The following CEP112 variants were observed in gnomAD, a reference collection of about 807,000 sequenced individuals.
The protein encoded by CEP112 is centrosomal protein 112, also known as centrosomal protein of 112 kDa.
In CEP112, 127 loss-of-function variants were observed where a neutral mutation model predicts 153.0. The observed-to-expected ratio is 0.83, with a 90% CI of 0.72 to 0.96. CEP112 has a LOEUF of 0.96. Ranked by LOEUF, CEP112 falls within the 40% of genes least tolerant of loss-of-function variation. The pLI, the probability that CEP112 is intolerant of heterozygous loss-of-function variation, is 0.00. For missense variants in CEP112, 1,089 were observed against 1,101.2 expected (o/e 0.99, Z 0.16); for synonymous variants, 358 against 374.4 (o/e 0.96, Z 0.51).
intron 21 of CEP112, among the ~76,000 whole-genome samples, chr17:65,830,615 C>T (rs2057035066): frequency 6.6e-6 from 1 of 152,202 alleles, no homozygotes; most frequent in African/African-American, 2.4e-5. Context: ...ATTAAAGAGA[C>T]TGCTTGCTGC....
At chr17:65,676,694 C>T (rs1034777611) in intron 24 of CEP112, among the ~76,000 whole-genome samples, 2 of 152,170 alleles carry the variant, frequency 1.3e-5, no homozygotes, top group Admixed American at 1.3e-4. Flanking sequence ...AAAGAGTTTA[C>T]AGTAAGAGTT....
rs62065064 is a variant in CEP112, at chr17:65,783,558, A to G, written c.2395-32834T>C. On this transcript the variant is annotated intron_variant, in intron 21 of 26. Transcript: ENST00000535342. ...AATTCAAATGTACATCAACCAATAA[A>G]TGGATAAGAAAATTGTTGTATAAAA... 4.0e-3 allele frequency among the ~76,000 whole-genome samples: 604 copies of G among 152,352 alleles called. 1 individual carries two copies. Among genetic ancestry groups the G allele is most frequent in the Non-Finnish European group, 6.6e-3 (450 of 68,032 alleles).
chr17:66,190,558 T>A (rs1314804119), intron 1 of CEP112, among the ~76,000 whole-genome samples: 1 of 152,154 alleles, frequency 6.6e-6, no homozygotes, highest in Middle Eastern at 3.2e-3. Flanking sequence ...GCAGTGAGCG[T>A]GAGCTGAGTT....
intron 21 of CEP112, among the ~76,000 whole-genome samples, chr17:65,763,498 T>C (rs2145416632): frequency 6.6e-6 from 1 of 152,194 alleles, no homozygotes; most frequent in Non-Finnish European, 1.5e-5. Context: ...TTTTATTGTT[T>C]TTTTTCAGTC....
intron 12 of CEP112, among the ~76,000 whole-genome samples, chr17:66,052,102 T>C (rs1451416993): frequency 6.6e-6 from 1 of 152,188 alleles, no homozygotes; most frequent in Non-Finnish European, 1.5e-5. Flanking sequence ...ACAGAATGAA[T>C]GTACAGATGG....
At chr17:66,132,075 A>G (rs1481855333) in intron 5 of CEP112, among the ~76,000 whole-genome samples, 1 of 144,144 alleles carries the variant, frequency 6.9e-6, no homozygotes, top group Non-Finnish European at 1.5e-5. Flanking sequence ...AGGCTGAGGC[A>G]GGAGAATGGC....
At chr17:65,850,862 T>C (rs2057905852) in intron 21 of CEP112, among the ~76,000 whole-genome samples, 1 of 152,192 alleles carries the variant, frequency 6.6e-6, no homozygotes, top group Non-Finnish European at 1.5e-5. Context: ...CTCCTGCCTA[T>C]TTACAGTCCT....
Position 65,904,275 on chromosome 17 carries a change from T to G in CEP112, c.1981-1941A>C, listed in dbSNP as rs2059987339. Among the ~76,000 whole-genome samples, 3 of 152,278 alleles carry G rather than the reference T, an allele frequency of 2.0e-5. No homozygotes were observed. In the South Asian group the frequency reaches 6.2e-4, roughly 32 times the overall value. Reference sequence around the variant, plus strand: ...AAAGTCTCAGGACACAAAATCAATATGCAAAAATCACAAGCATTCCTGTAC... The same window carrying G: ...AAAGTCTCAGGACACAAAATCAATAGGCAAAAATCACAAGCATTCCTGTAC... On this transcript the variant is annotated intron_variant, in intron 19 of 26. Transcript: ENST00000535342.
chr17:65,687,198 G>A (rs2047847974), intron 24 of CEP112, among the ~76,000 whole-genome samples: 1 of 110,390 alleles, frequency 9.1e-6, no homozygotes, highest in Admixed American at 1.4e-4. Context: ...ATGGAGTCTT[G>A]CTCTGTCTCC....
chr17:66,050,619 T>C (rs1392553243), intron 12 of CEP112, among the ~76,000 whole-genome samples: 2 of 152,060 alleles, frequency 1.3e-5, no homozygotes, highest in Admixed American at 1.3e-4. Flanking sequence ...CAAAGAAGAG[T>C]ATAAAAAAAC....
At chr17:65,913,667 A>T in intron 19 of CEP112, 1 of 985,340 alleles carries the variant, frequency 1.0e-6, no homozygotes, top group Non-Finnish European at 1.2e-6. Flanking sequence ...GCTGTTAGAG[A>T]TGGTACCAGG....
intron 18 of CEP112, among the ~76,000 whole-genome samples, chr17:65,950,030 T>A (rs933850364): frequency 3.3e-5 from 5 of 152,142 alleles, no homozygotes; most frequent in Admixed American, 6.6e-5. Flanking sequence ...CTGTATTTTT[T>A]AAAAAATAGC....
At chr17:65,709,695 G>A (rs2049081956) in intron 23 of CEP112, among the ~76,000 whole-genome samples, 1 of 152,188 alleles carries the variant, frequency 6.6e-6, no homozygotes, top group Non-Finnish European at 1.5e-5. Flanking sequence ...GTTCCAGGTG[G>A]AAGCATGTGC....
intron 1 of CEP112, among the ~76,000 whole-genome samples, chr17:66,185,721 T>C (rs1206145565): frequency 6.6e-6 from 1 of 152,212 alleles, no homozygotes; most frequent in Non-Finnish European, 1.5e-5. Flanking sequence ...GATAGGGATG[T>C]GCGCTACCTT....
At chr17:66,156,176 C>T (rs184592898) in intron 4 of CEP112, among the ~76,000 whole-genome samples, 1 of 152,268 alleles carries the variant, frequency 6.6e-6, no homozygotes, top group Non-Finnish European at 1.5e-5. Context: ...GACAAAGCTT[C>T]CAGAGGAAGG....
At chr17:66,164,906 GTGTGTGTGTGTGTGTA>G (rs997081111) in intron 4 of CEP112, among the ~76,000 whole-genome samples, 1 of 145,124 alleles carries the variant, frequency 6.9e-6, no homozygotes, top group Admixed American at 7.0e-5. Flanking sequence ...GTGTGTGTGT[GTGTGTGTGTGTGTGTA>G]TATTTATTTA....
At chr17:65,931,664 G>C (rs1220499600) in intron 18 of CEP112, among the ~76,000 whole-genome samples, 3 of 152,246 alleles carry the variant, frequency 2.0e-5, no homozygotes, top group Non-Finnish European at 4.4e-5. Context: ...TGAGCAGGAA[G>C]CACAGTTGAC....
At chr17:65,942,984 A>G (rs2061548698) in intron 18 of CEP112, among the ~76,000 whole-genome samples, 2 of 152,370 alleles carry the variant, frequency 1.3e-5, no homozygotes, top group South Asian at 4.1e-4. Context: ...AGGTGTAAGA[A>G]ATAATTCTTC....
intron 16 of CEP112, among the ~76,000 whole-genome samples, chr17:66,026,657 C>T (rs2065224479): frequency 6.6e-6 from 1 of 152,144 alleles, no homozygotes; most frequent in African/African-American, 2.4e-5. Context: ...TTTAGGATAC[C>T]AAAATCCATG....
Sources: gnomAD v4.1 joint callset for allele counts (sites outside exome capture counted in the v4.1 genomes callset) on GRCh38, gnomAD v4.1.1 for gene constraint, MANE v1.5 for transcripts, NCBI Gene and HGNC (gene_info 2026-07-23, HGNC 2026-07-21) for gene names.